Variants in NRXN1 observed in about 807,000 individuals in gnomAD.
The protein encoded by NRXN1 is neurexin 1, also known as neurexin-1.
Under a neutral mutation model 150.9 loss-of-function variants are expected in NRXN1, and 39 were observed. The observed-to-expected ratio is 0.26, with a 90% CI of 0.20 to 0.34. NRXN1 has a LOEUF of 0.34. Ranked by LOEUF, NRXN1 falls within the 10% of genes least tolerant of loss-of-function variation. The probability of loss-of-function intolerance (pLI) is 1.00; values close to 1 mark genes in which losing one functional copy is unlikely to be tolerated. For missense variants in NRXN1, 1,815 were observed against 1,949.9 expected, an observed-to-expected ratio of 0.93 and a Z score of 1.30; for synonymous variants, 924 against 757.0, an observed-to-expected ratio of 1.22 and a Z score of -3.62.
intron 5 of NRXN1, among the ~76,000 whole-genome samples, chr2:50,887,391 G>T (rs1477831941): frequency 6.6e-6 from 1 of 151,346 alleles, no homozygotes; most frequent in Non-Finnish European, 1.5e-5. Context: ...TGAGAAAGCT[G>T]GCCATATTTG....
At chr2:50,901,130 G>A (rs1429550411) in intron 5 of NRXN1, among the ~76,000 whole-genome samples, 1 of 151,978 alleles carries the variant, frequency 6.6e-6, no homozygotes, top group East Asian at 1.9e-4. Context: ...TAAAATGTGA[G>A]TACCATGATC....
At chr2:50,449,563 G>A (rs1199524400) in intron 17 of NRXN1, among the ~76,000 whole-genome samples, 1 of 152,188 alleles carries the variant, frequency 6.6e-6, no homozygotes, top group African/African-American at 2.4e-5. Context: ...CTGTGAGTTT[G>A]CATCTTTAGT....
chr2:50,312,156 A>C (rs1357019171), intron 17 of NRXN1, among the ~76,000 whole-genome samples: 1 of 152,066 alleles, frequency 6.6e-6, no homozygotes, highest in East Asian at 1.9e-4. Flanking sequence ...CCTGAGAAAG[A>C]CTCCTAATAG....
intron 17 of NRXN1, among the ~76,000 whole-genome samples, chr2:50,422,783 T>C (rs1380353517): frequency 1.3e-5 from 2 of 152,168 alleles, no homozygotes; most frequent in East Asian, 1.9e-4. Flanking sequence ...ACAACAAAAA[T>C]TGAGAGTTAG....
chr2:50,711,040 T>A (rs919256173), intron 5 of NRXN1, among the ~76,000 whole-genome samples: 1 of 152,114 alleles, frequency 6.6e-6, no homozygotes, highest in Admixed American at 6.5e-5. Context: ...CAAACAGAAT[T>A]AATATAAAAT....
intron 5 of NRXN1, among the ~76,000 whole-genome samples, chr2:50,903,291 T>C (rs1037537325): frequency 1.3e-5 from 2 of 152,178 alleles, no homozygotes; most frequent in African/African-American, 4.8e-5. Context: ...ATTTTAACTC[T>C]CTCTTTAGTC....
chr2:50,985,138 G>A (rs974536446), intron 2 of NRXN1, among the ~76,000 whole-genome samples: 18 of 151,960 alleles, frequency 1.2e-4, no homozygotes, highest in Admixed American at 8.5e-4. Context: ...AATGTGTGAA[G>A]TAAATCTGTA....
At chr2:50,517,172 T>C (rs2092654641) in intron 12 of NRXN1, among the ~76,000 whole-genome samples, 1 of 152,144 alleles carries the variant, frequency 6.6e-6, no homozygotes, top group Admixed American at 6.5e-5. Context: ...TCAAAACTAC[T>C]TTTAATCAAA....
At chr2:50,844,243 G>A (rs1304977193) in intron 5 of NRXN1, among the ~76,000 whole-genome samples, 12 of 152,190 alleles carry the variant, frequency 7.9e-5, no homozygotes, top group African/African-American at 2.4e-4. Flanking sequence ...GTACTATGGC[G>A]TTACAATCTT....
At chr2:50,096,578 G>T (rs972323555) in intron 18 of NRXN1, among the ~76,000 whole-genome samples, 4 of 152,086 alleles carry the variant, frequency 2.6e-5, no homozygotes, top group African/African-American at 7.2e-5. Context: ...TACATGTCTT[G>T]ATCTCCCTGT....
chr2:50,359,719 A>C (rs184290859), intron 17 of NRXN1, among the ~76,000 whole-genome samples: 230 of 152,248 alleles, frequency 1.5e-3, no homozygotes, highest in African/African-American at 5.2e-3. Flanking sequence ...CCCAACCCGC[A>C]AGACAGGCCC....
chr2:50,452,453 T>A (rs1402394552), intron 17 of NRXN1, among the ~76,000 whole-genome samples: 1 of 152,132 alleles, frequency 6.6e-6, no homozygotes, highest in Non-Finnish European at 1.5e-5. Flanking sequence ...ATGAGGAAAC[T>A]GGGGCCCACA....
At chr2:50,677,195 G>T (rs568934109) in intron 5 of NRXN1, among the ~76,000 whole-genome samples, 1 of 152,230 alleles carries the variant, frequency 6.6e-6, no homozygotes, top group South Asian at 2.1e-4. Context: ...GAAAAACACG[G>T]AGAGCAGCCA....
intron 17 of NRXN1, among the ~76,000 whole-genome samples, chr2:50,451,502 C>A (rs1423340018): frequency 6.6e-6 from 1 of 152,114 alleles, no homozygotes; most frequent in Non-Finnish European, 1.5e-5. Context: ...AGGAGGCAGA[C>A]CTGCAGATGA....
At chr2:49,948,909 A>G (rs1276146793) in intron 21 of NRXN1, among the ~76,000 whole-genome samples, 1 of 151,964 alleles carries the variant, frequency 6.6e-6, no homozygotes, top group Admixed American at 6.6e-5. Context: ...CTAACTGTGC[A>G]TTTAACCACC....
chr2:50,964,258 T>C (rs1301112339), intron 2 of NRXN1, among the ~76,000 whole-genome samples: 1 of 151,516 alleles, frequency 6.6e-6, no homozygotes, highest in Non-Finnish European at 1.5e-5. Context: ...AAAAGTCAAG[T>C]AGTATTTTAT....
In NRXN1 at chr2:50,458,673, G is replaced by A. The variant is rs112208741; in HGVS notation, c.3364+6769C>T. On this transcript the variant is annotated intron_variant, in intron 17 of 22. Transcript: ENST00000401669. The stretch of plus-strand genomic sequence containing the variant: ...TGGCTCACTGCAACCTCCTCCTCTC[G>A]GGTTCAAGTGATTCTGCTACCTCAG... 1.1e-4 allele frequency among the ~76,000 whole-genome samples: 17 copies of A among 151,390 alleles called. 1 individual carries two copies. Among genetic ancestry groups the A allele is most frequent in the African/African-American group, 3.9e-4 (16 of 41,260 alleles).
At chr2:50,539,300 T>G (rs142205460) in intron 9 of NRXN1, among the ~76,000 whole-genome samples, 1 of 152,234 alleles carries the variant, frequency 6.6e-6, no homozygotes, top group Non-Finnish European at 1.5e-5. Context: ...TTTGTGATTA[T>G]ATTTCAGTGA....
intron 22 of NRXN1, among the ~76,000 whole-genome samples, chr2:49,924,627 A>C (rs2104045215): frequency 6.6e-6 from 1 of 152,334 alleles, no homozygotes; most frequent in African/African-American, 2.4e-5. Flanking sequence ...TCTCCTGTTT[A>C]AGGAAAACAC....
Sources: gnomAD v4.1 joint callset for allele counts (sites outside exome capture counted in the v4.1 genomes callset) on GRCh38, gnomAD v4.1.1 for gene constraint, MANE v1.5 for transcripts, NCBI Gene and HGNC (gene_info 2026-07-23, HGNC 2026-07-21) for gene names.